CACNA2D2: variants seen among roughly 807,000 people sequenced by gnomAD.
CACNA2D2 encodes voltage-dependent calcium channel subunit alpha-2/delta-2.
A neutral mutation model predicts 166.4 loss-of-function variants in CACNA2D2; 48 were observed. The ratio of observed to expected loss-of-function variants is 0.29; its 90% CI spans 0.23 to 0.37. The LOEUF (loss-of-function observed/expected upper bound fraction) is 0.37, where lower values mean the gene tolerates loss of function less well. Among genes scored for constraint, CACNA2D2 ranks in the 10% least tolerant of loss-of-function variants. CACNA2D2 has a pLI of 1.00. For synonymous variants in CACNA2D2, 561 were observed against 573.7 expected, an observed-to-expected ratio of 0.98 and a Z score of 0.32; for missense variants, 1,122 against 1,433.0, an observed-to-expected ratio of 0.78 and a Z score of 3.50.
intron 17 of CACNA2D2, among the ~76,000 whole-genome samples, 185 bp downstream of exon 17, chr3:50,377,282 C>G (rs1432721049): frequency 1.3e-5 from 2 of 152,166 alleles, no homozygotes; most frequent in African/African-American, 4.8e-5. Flanking sequence ...TGGCCCTTTA[C>G]AGAAAGTTTG....
In CACNA2D2 at chr3:50,376,216, T is replaced by C; in HGVS notation, c.1627-28A>G. 6.2e-7 allele frequency: 1 copy of C among 1,610,934 alleles called. No individual in the cohort carries two copies. The highest frequency in any genetic ancestry group is 8.5e-7 in the Non-Finnish European group (1 of 1,178,370). ...GGAGGCACAGATTGGGGGCTCAGGG[T>C]CTGGAGGGATGGGCTGGGGTTCCCT... On this transcript the variant is annotated intron_variant, in intron 17 of 37. Transcript: ENST00000424201. This position sits in a 1 kb window ranked among gnomAD's most constrained non-coding sequence, Gnocchi z 4.3.
intron 3 of CACNA2D2, among the ~76,000 whole-genome samples, chr3:50,398,900 A>C (rs1422693063): frequency 1.3e-5 from 2 of 152,346 alleles, no homozygotes; most frequent in Admixed American, 1.3e-4. Context: ...CTCGTCGTGC[A>C]CTGGGCTGGG....
rs908434822 is a variant in CACNA2D2 at position 50,451,451 on chromosome 3, C to T, written c.289-17022G>A. ...CAGGGGCTGTTTTAAGGCCCCTCCC[C>T]AGGCTGCCTGACACTTTGTTGAACA... On this transcript the variant is annotated intron_variant, in intron 2 of 37. Transcript: ENST00000424201. Among the ~76,000 whole-genome samples the T allele has an allele frequency of 4.6e-5, 7 of 152,260 alleles. No individual in the cohort carries two copies. The South Asian group carries it at 1.5e-3, about 32-fold the overall frequency.
At chr3:50,454,695 T>TA (rs1461978429) in intron 2 of CACNA2D2, among the ~76,000 whole-genome samples, 8 of 151,734 alleles carry the variant, frequency 5.3e-5, no homozygotes, top group East Asian at 3.9e-4. Flanking sequence ...CTCGGTGAGC[T>TA]AAAAAAAAAT....
In CACNA2D2 at chr3:50,366,140, C is replaced by T. The variant is rs1243967029; in HGVS notation, c.2733G>A (p.Val911=). ...WDQVGRFFSE[V]DANLMLALYN... is the part of the protein sequence containing the mutation. The stretch of plus-strand genomic sequence containing the variant: ...AGAGTGCCAGCATCAGGTTGGCATC[C>T]ACCTCACTGAAGAACCTGCCCACCT... Residue 911 remains valine, a synonymous_variant, in exon 32 of 38, where the codon GTG becomes GTA. Coordinates refer to ENST00000424201, the MANE Select transcript of CACNA2D2 (RefSeq NM_006030.4). This position sits in a 1 kb window ranked among gnomAD's most constrained non-coding sequence, Gnocchi z 5.9. 52 of 1,613,812 alleles carry T rather than the reference C, an allele frequency of 3.2e-5. No individual in the cohort carries two copies. Among genetic ancestry groups the T allele is most frequent in the Non-Finnish European group, 4.3e-5 (51 of 1,179,968 alleles).
At chr3:50,483,315 A>G (rs1698134062) in intron 1 of CACNA2D2, among the ~76,000 whole-genome samples, 1 of 152,112 alleles carries the variant, frequency 6.6e-6, no homozygotes, top group Non-Finnish European at 1.5e-5. Flanking sequence ...GACCTTGGAG[A>G]CCCTGAGGAG....
chr3:50,457,945 G>C (rs575755235), intron 2 of CACNA2D2, among the ~76,000 whole-genome samples: 1 of 152,170 alleles, frequency 6.6e-6, no homozygotes, highest in African/African-American at 2.4e-5. Flanking sequence ...GACCTGCCCT[G>C]ACTCACTCAG....
chr3:50,400,926 C>T (rs538546927), intron 3 of CACNA2D2, among the ~76,000 whole-genome samples: 2 of 152,178 alleles, frequency 1.3e-5, no homozygotes, highest in African/African-American at 2.4e-5. Context: ...CCTCCTGCCT[C>T]GGCCTCCCAA....
chr3:50,426,205 G>T (rs1372887029), intron 3 of CACNA2D2, among the ~76,000 whole-genome samples: 3 of 152,202 alleles, frequency 2.0e-5, no homozygotes, highest in African/African-American at 4.8e-5. Flanking sequence ...TCTAGTCTCC[G>T]ACTCTGTTTT....
At chr3:50,401,417 C>G (rs531129858) in intron 3 of CACNA2D2, among the ~76,000 whole-genome samples, 3 of 152,116 alleles carry the variant, frequency 2.0e-5, no homozygotes, top group African/African-American at 4.8e-5. Flanking sequence ...GTGCCTGCAC[C>G]CCCTCAGTCC....
intron 23 of CACNA2D2, 127 bp downstream of exon 23, chr3:50,370,193 G>A (rs1236225829): frequency 2.8e-6 from 2 of 702,768 alleles, no homozygotes; most frequent in Non-Finnish European, 5.2e-6. Context: ...ACCGGGCGAT[G>A]TATGGGGGCC....
At chr3:50,413,192 A>G (rs1355871426) in intron 3 of CACNA2D2, among the ~76,000 whole-genome samples, 1 of 151,108 alleles carries the variant, frequency 6.6e-6, no homozygotes, top group Non-Finnish European at 1.5e-5. Context: ...GTGGTGGTGG[A>G]GCATGAGGAG....
rs941147363 is a variant in CACNA2D2 at position 50,367,237 on chromosome 3, G to C, written c.2402-128C>G. Reference sequence around the variant, plus strand: ...GCCCAAGCACCCAGCACTCAGGACAGTGTTTGGCACAGTCTATCCCTCTTT... The same window carrying C: ...GCCCAAGCACCCAGCACTCAGGACACTGTTTGGCACAGTCTATCCCTCTTT... On this transcript the variant is annotated intron_variant, in intron 27 of 37. Transcript: ENST00000424201. This position sits in a 1 kb window ranked among gnomAD's most constrained non-coding sequence, Gnocchi z 6.5. 5.1e-6 allele frequency: 5 copies of C among 986,244 alleles called. No homozygotes were observed. The highest frequency in any genetic ancestry group is 7.8e-6 in the Non-Finnish European group (5 of 637,384). The allele number at this position is 986,244 out of a possible 1,614,324, so 61.1% of individuals were successfully genotyped here. A position where few individuals can be genotyped will look rare whatever the true frequency, so the allele number is the denominator to read the frequency against.
At chr3:50,440,137 C>T (rs1171873422) in intron 2 of CACNA2D2, among the ~76,000 whole-genome samples, 1 of 152,156 alleles carries the variant, frequency 6.6e-6, no homozygotes, top group Non-Finnish European at 1.5e-5. Context: ...GAGGGGCTGC[C>T]CCATGATGGG....
intron 2 of CACNA2D2, among the ~76,000 whole-genome samples, chr3:50,439,298 G>A (rs1708484100): frequency 6.6e-6 from 1 of 152,212 alleles, no homozygotes; most frequent in Non-Finnish European, 1.5e-5. Flanking sequence ...CAGCCCAATC[G>A]ACTAAGCACC....
At chr3:50,400,467 A>G (rs1706392212) in intron 3 of CACNA2D2, among the ~76,000 whole-genome samples, 1 of 152,268 alleles carries the variant, frequency 6.6e-6, no homozygotes. Context: ...CGGCCACCTC[A>G]GCGACTTTGT....
chr3:50,476,269 C>G, intron 1 of CACNA2D2, 70 bp from the exon 2 acceptor site: 2 of 1,271,320 alleles, frequency 1.6e-6, no homozygotes, highest in Admixed American at 4.0e-5. Flanking sequence ...CCCCAGCCAA[C>G]CCGGGGGCAC....
chr3:50,433,305 TCATCCATGTTGTAGCAAGCAAG>T (rs1708154811), intron 3 of CACNA2D2, among the ~76,000 whole-genome samples: 1 of 152,192 alleles, frequency 6.6e-6, no homozygotes. Context: ...GTTTTTGGGT[TCATCCATGTTGTAGCAAGCAAG>T]CATCAGGAGA....
chr3:50,445,369 C>T (rs1575697248), intron 2 of CACNA2D2, among the ~76,000 whole-genome samples: 1 of 152,212 alleles, frequency 6.6e-6, no homozygotes, highest in East Asian at 1.9e-4. Context: ...ACCGGTAAGG[C>T]AGTAGGCACC....
Sources: allele counts gnomAD v4.1 joint callset (sites outside exome capture counted in the v4.1 genomes callset), GRCh38; gene constraint gnomAD v4.1.1; non-coding constraint Gnocchi (gnomAD v3.1); transcripts MANE v1.5; gene names NCBI Gene and HGNC (gene_info 2026-07-23, HGNC 2026-07-21).